Variants in PDCL2 observed in about 807,000 individuals in gnomAD.
The protein encoded by PDCL2 is phosducin like 2.
Under a neutral mutation model 30.3 loss-of-function variants are expected in PDCL2, and 23 were observed. The observed-to-expected ratio is 0.76, with a 90% CI of 0.55 to 1.08. PDCL2 has a LOEUF of 1.08. Among genes scored for constraint, PDCL2 ranks in the 50% least tolerant of loss-of-function variants. The probability of loss-of-function intolerance (pLI) is 0.00; values close to 1 mark genes in which losing one functional copy is unlikely to be tolerated. For missense variants in PDCL2, 243 were observed against 282.3 expected (o/e 0.86, Z 1.00); for synonymous variants, 68 against 86.2 (o/e 0.79, Z 1.17).
At position 55,590,196 on chromosome 4, in the gene PDCL2, C is replaced by CAAAAA. The variant is rs1221085369; in HGVS notation, c.6+1903_6+1907dup. On this transcript the variant is annotated intron_variant, in intron 1 of 5. Transcript: ENST00000295645. ...TGGATGACAGAGCTAGGCTCTGTCT[C>CAAAAA]AAAAAAAAAAAAAAAAAAAAAAAAA... is the stretch of plus-strand genomic sequence containing the variant. Among the ~76,000 whole-genome samples the CAAAAA allele has an allele frequency of 3.8e-3, 139 of 37,018 alleles. 7 individuals carry two copies. Among genetic ancestry groups the CAAAAA allele is most frequent in the South Asian group, 7.9e-3 (3 of 378 alleles). 24.3% of individuals were successfully genotyped at this position (37,018 alleles called of 152,430 possible). A position where few individuals can be genotyped will look rare whatever the true frequency, so the allele number is the denominator to read the frequency against.
intron 5 of PDCL2, among the ~76,000 whole-genome samples, 192 bp from the exon 6 acceptor site, chr4:55,556,903 G>A (rs147878466): frequency 0.023 from 3,483 of 151,800 alleles, 67 homozygotes; most frequent in Non-Finnish European, 0.036. Context: ...GCACAATCTT[G>A]GCTCACTGCA....
intron 3 of PDCL2, among the ~76,000 whole-genome samples, chr4:55,572,836 T>A (rs1732462722): frequency 6.6e-6 from 1 of 152,102 alleles, no homozygotes; most frequent in Admixed American, 6.5e-5. Context: ...CTCGGCTCAC[T>A]GTAAGCTCCG....
chr4:55,591,241 C>A (rs1370426834), intron 1 of PDCL2, among the ~76,000 whole-genome samples: 1 of 151,088 alleles, frequency 6.6e-6, no homozygotes, highest in Non-Finnish European at 1.5e-5. Context: ...TCTGCAGGAG[C>A]AGGTGGGGAA....
rs1463199621 is a variant in PDCL2 at position 55,557,475 on chromosome 4, GACA to G, written c.572-767_572-765del. On this transcript the variant is annotated intron_variant, in intron 5 of 5. Transcript: ENST00000295645. Reference sequence around the variant, plus strand: ...ACTTTTAAAACAAACCCATTCTCATGACAACAACTCCATTTCTGCAATAATGAC... The same window carrying G: ...ACTTTTAAAACAAACCCATTCTCATGACAACTCCATTTCTGCAATAATGAC... Among the ~76,000 whole-genome samples, 5 of 152,156 alleles carry G rather than the reference GACA, an allele frequency of 3.3e-5. No homozygotes were observed. In the South Asian group the frequency reaches 6.2e-4, roughly 19 times the overall value.
At chr4:55,568,418 T>C (rs535049256) in intron 4 of PDCL2, among the ~76,000 whole-genome samples, 2 of 152,334 alleles carry the variant, frequency 1.3e-5, no homozygotes, top group African/African-American at 4.8e-5. Context: ...AATTGTTCTA[T>C]TAGAAGAGAC....
intron 4 of PDCL2, among the ~76,000 whole-genome samples, chr4:55,563,531 G>A (rs1297371695): frequency 6.6e-6 from 1 of 152,126 alleles, no homozygotes; most frequent in Non-Finnish European, 1.5e-5. Context: ...AAAATGCAAG[G>A]TTTTAGGGGC....
Position 55,592,221 on chromosome 4 carries a change from C to A in PDCL2, c.-112G>T. 8 of 1,490,088 alleles carry A rather than the reference C, an allele frequency of 5.4e-6. No individual in the cohort carries two copies. The Admixed American group carries it at 1.4e-4, about 26-fold the overall frequency. The allele number at this position is 1,490,088 out of a possible 1,614,324, so 92.3% of individuals were successfully genotyped here. A position where few individuals can be genotyped will look rare whatever the true frequency, so the allele number is the denominator to read the frequency against. The stretch of plus-strand genomic sequence containing the variant: ...GGAAGAGCGCCCGCTTCAGGCCCGG[C>A]GGTTTCGAGTGACCGCCAGAAGAGG... On this transcript the variant is annotated 5_prime_UTR_variant, in exon 1 of 6. Coordinates refer to ENST00000295645, the MANE Select transcript of PDCL2 (RefSeq NM_152401.3).
rs1288173355 is a variant in PDCL2, at chr4:55,569,737, T to TATATATA, written c.342_343insTATATAT (p.Ile115TyrfsTer17). 1.9e-6 allele frequency: 3 copies of TATATATA among 1,556,862 alleles called. No homozygotes were observed. Among genetic ancestry groups the TATATATA allele is most frequent in the African/African-American group, 2.7e-5 (2 of 73,542 alleles). On this transcript the variant is annotated frameshift_variant, in exon 4 of 6. Coordinates refer to ENST00000295645, the MANE Select transcript of PDCL2 (RefSeq NM_152401.3). LOFTEE classifies it high-confidence loss of function. ...AATTACCTTGATCTGTATAGATGAATTATAACCCACACATCTTCTTCTGCA... is the reference window on the plus strand; with the variant it reads ...AATTACCTTGATCTGTATAGATGAATATATATATATAACCCACACATCTTCTTCTGCA...
chr4:55,569,632 G>A (rs1732367642), intron 4 of PDCL2, 86 bp downstream of exon 4: 2 of 1,029,056 alleles, frequency 1.9e-6, no homozygotes, highest in Non-Finnish European at 2.7e-6. Context: ...CTTGAGTACT[G>A]TTATATACTT....
At chr4:55,562,270 T>G (rs1165075517) in intron 5 of PDCL2, 134 bp downstream of exon 5, 5 of 475,906 alleles carry the variant, frequency 1.1e-5, no homozygotes, top group Non-Finnish European at 1.8e-5. Flanking sequence ...ATAGGAAAAT[T>G]AATCTGGAGG....
intron 3 of PDCL2, among the ~76,000 whole-genome samples, chr4:55,570,376 G>C (rs1252688762): frequency 2.0e-5 from 3 of 152,176 alleles, no homozygotes; most frequent in Admixed American, 2.0e-4. Flanking sequence ...GTGGATATTT[G>C]TAATTACTTG....
At chr4:55,577,014 C>T (rs2110162678) in intron 3 of PDCL2, among the ~76,000 whole-genome samples, 1 of 152,182 alleles carries the variant, frequency 6.6e-6, no homozygotes, top group Middle Eastern at 3.4e-3. Flanking sequence ...TCTCCTGCCT[C>T]AGCCTCCCGA....
At chr4:55,569,442 G>T (rs903595660) in intron 4 of PDCL2, among the ~76,000 whole-genome samples, 1 of 152,036 alleles carries the variant, frequency 6.6e-6, no homozygotes, top group African/African-American at 2.4e-5. Flanking sequence ...CTGTTTTTGA[G>T]ATATTCTATA....
At chr4:55,572,765 T>TC (rs1732460176) in intron 3 of PDCL2, among the ~76,000 whole-genome samples, 1 of 150,396 alleles carries the variant, frequency 6.6e-6, no homozygotes, top group Admixed American at 6.6e-5. Context: ...TTCTTCTTCT[T>TC]CTTTTTTTTC....
In PDCL2 at chr4:55,575,249, G is replaced by T. The variant is rs1487233627; in HGVS notation, c.219-5388C>A. 2.0e-5 allele frequency among the ~76,000 whole-genome samples: 3 copies of T among 151,912 alleles called. No individual in the cohort carries two copies. The East Asian group carries it at 5.8e-4, about 29-fold the overall frequency. On this transcript the variant is annotated intron_variant, in intron 3 of 5. Transcript: ENST00000295645. ...AGTGGTATGAGTAAAACATACCAGAGGAACTAAAAAGTACAGTAACTAAAA... is the reference window on the plus strand; with the variant it reads ...AGTGGTATGAGTAAAACATACCAGATGAACTAAAAAGTACAGTAACTAAAA...
intron 3 of PDCL2, 130 bp downstream of exon 3, chr4:55,580,691 A>G (rs1260198846): frequency 5.3e-6 from 3 of 564,238 alleles, no homozygotes; most frequent in Non-Finnish European, 8.8e-6. Context: ...ATATAAAGGG[A>G]GTTTCAAAAT....
At chr4:55,576,980 C>A (rs940907476) in intron 3 of PDCL2, among the ~76,000 whole-genome samples, 4 of 151,358 alleles carry the variant, frequency 2.6e-5, no homozygotes, top group African/African-American at 4.8e-5. Context: ...TCACTGCAAC[C>A]TCTGCCTCCC....
intron 4 of PDCL2, among the ~76,000 whole-genome samples, chr4:55,563,648 GA>G (rs1732189653): frequency 6.6e-6 from 1 of 152,220 alleles, no homozygotes; most frequent in South Asian, 2.1e-4. Context: ...GTACATGAGA[GA>G]GGAAACACAA....
At chr4:55,560,219 C>T (rs1483192582) in intron 5 of PDCL2, among the ~76,000 whole-genome samples, 3 of 149,812 alleles carry the variant, frequency 2.0e-5, no homozygotes, top group Non-Finnish European at 3.0e-5. Flanking sequence ...ACACTAAATT[C>T]GTGATAGTTT....
Sources: gnomAD v4.1 joint callset for allele counts (sites outside exome capture counted in the v4.1 genomes callset) on GRCh38, gnomAD v4.1.1 for gene constraint, MANE v1.5 for transcripts, NCBI Gene and HGNC (gene_info 2026-07-23, HGNC 2026-07-21) for gene names.